The following KIF15 variants were observed in gnomAD, a reference collection of about 807,000 sequenced individuals.
The protein encoded by KIF15 is kinesin-like protein KIF15.
A neutral mutation model predicts 190.6 loss-of-function variants in KIF15; 140 were observed. The observed-to-expected ratio is 0.73, with a 90% CI of 0.64 to 0.84. The LOEUF is 0.84. Among genes scored for constraint, KIF15 ranks in the 40% least tolerant of loss-of-function variants. KIF15 has a pLI of 0.00. For synonymous variants in KIF15, 528 were observed against 551.3 expected, an observed-to-expected ratio of 0.96 and a Z score of 0.59; for missense variants, 1,372 against 1,584.4, an observed-to-expected ratio of 0.87 and a Z score of 2.28.
downstream of KIF15, among the ~76,000 whole-genome samples, chr3:44,854,550 G>A (rs1336025036): frequency 6.6e-6 from 1 of 152,204 alleles, no homozygotes. Context: ...AGCAGACACT[G>A]CAACTGCCTC....
chr3:44,865,130 C>T (rs748174992), intron 6 of KIF15: 4 of 1,614,148 alleles, frequency 2.5e-6, no homozygotes, highest in Non-Finnish European at 3.4e-6. Flanking sequence ...CACCCTAATC[C>T]ACAGGAAGCT....
At chr3:44,777,475 C>T (rs886111772) in intron 3 of KIF15, among the ~76,000 whole-genome samples, 3 of 151,956 alleles carry the variant, frequency 2.0e-5, no homozygotes, top group Admixed American at 6.6e-5. Context: ...GGGCGGATCA[C>T]GAGGTCAGGA....
At chr3:44,865,268 C>T in intron 6 of KIF15, 1 of 1,551,126 alleles carries the variant, frequency 6.4e-7, no homozygotes, top group Admixed American at 1.7e-5. Flanking sequence ...TAGGGCGATC[C>T]AGTTGTGCAG....
intron 8 of KIF15, among the ~76,000 whole-genome samples, chr3:44,795,751 A>C (rs866351864): frequency 6.6e-6 from 1 of 152,190 alleles, no homozygotes; most frequent in Non-Finnish European, 1.5e-5. Flanking sequence ...TAGAATATAC[A>C]TGGGCAAGGG....
At chr3:44,809,034 A>G (rs1384567742) in intron 16 of KIF15, among the ~76,000 whole-genome samples, 2 of 152,176 alleles carry the variant, frequency 1.3e-5, no homozygotes, top group South Asian at 2.1e-4. Context: ...ATGTCTTAGC[A>G]TTTGAGTGAG....
intron 11 of KIF15, 25 bp downstream of exon 11, chr3:44,800,462 TC>T: frequency 6.2e-7 from 1 of 1,609,208 alleles, no homozygotes; most frequent in East Asian, 2.2e-5. Flanking sequence ...CAGTCCTTTA[TC>T]TTGGGGAAGA....
At chr3:44,866,911 G>A (rs368071508) in intron 6 of KIF15, among the ~76,000 whole-genome samples, 7 of 152,122 alleles carry the variant, frequency 4.6e-5, no homozygotes, top group Non-Finnish European at 1.0e-4. Context: ...TCTTACCCTT[G>A]CCTTGGGTTC....
chr3:44,771,216 C>T (rs1022519757), intron 1 of KIF15, among the ~76,000 whole-genome samples: 1 of 152,062 alleles, frequency 6.6e-6, no homozygotes, highest in African/African-American at 2.4e-5. Flanking sequence ...TTTATAATAA[C>T]TTAACATAAC....
In KIF15 at chr3:44,766,880, G is replaced by A. The variant is rs1207598101; in HGVS notation, c.19+4996G>A. Among the ~76,000 whole-genome samples the A allele has an allele frequency of 6.4e-5, 8 of 124,558 alleles. No individual in the cohort carries two copies. The East Asian group carries it at 1.2e-3, about 19-fold the overall frequency. The allele number at this position is 124,558 out of a possible 152,430, so 81.7% of individuals were successfully genotyped here. A position where few individuals can be genotyped will look rare whatever the true frequency, so the allele number is the denominator to read the frequency against. Reference sequence around the variant, plus strand: ...GGCTGGAGTGCAGTGGCGTGATCTCGGCTCACTGCAAGCTCCGCCTCCTGG... The same window carrying A: ...GGCTGGAGTGCAGTGGCGTGATCTCAGCTCACTGCAAGCTCCGCCTCCTGG... On this transcript the variant is annotated intron_variant, in intron 1 of 34. Transcript: ENST00000326047.
Position 44,812,200 on chromosome 3 carries a change from C to G in KIF15, c.2188C>G (p.Gln730Glu). The G allele has an allele frequency of 6.2e-7, 1 of 1,613,408 alleles. No individual in the cohort carries two copies. Among genetic ancestry groups the G allele is most frequent in the Non-Finnish European group, 8.5e-7 (1 of 1,179,738 alleles). The change falls in exon 18 of 35, where the codon CAA becomes GAA. Residue 730 changes from glutamine (Q) to glutamate (E), a missense_variant. Coordinates refer to ENST00000326047, the MANE Select transcript of KIF15 (RefSeq NM_020242.3). ...RTVQEQMSAL[Q>E]AKLDEEEHKN... is the part of the protein sequence containing the mutation. ...GTTGCAGGAACAAATGAGTGCTCTTCAAGCCAAACTGGATGAAGAAGAGCA... is the reference window on the plus strand; with the variant it reads ...GTTGCAGGAACAAATGAGTGCTCTTGAAGCCAAACTGGATGAAGAAGAGCA...
At chr3:44,860,318 A>T (rs1575700314) in intron 6 of KIF15, among the ~76,000 whole-genome samples, 1 of 152,226 alleles carries the variant, frequency 6.6e-6, no homozygotes, top group East Asian at 1.9e-4. Flanking sequence ...TCTGAGCCTC[A>T]ATTTCCTCAT....
At chr3:44,861,201 G>T (rs1454289865) in intron 6 of KIF15, among the ~76,000 whole-genome samples, 1 of 151,568 alleles carries the variant, frequency 6.6e-6, no homozygotes, top group Non-Finnish European at 1.5e-5. Context: ...ATGTTGGTCA[G>T]GCTGGTCTCG....
chr3:44,860,636 T>C (rs909120690), intron 6 of KIF15, among the ~76,000 whole-genome samples: 1 of 152,158 alleles, frequency 6.6e-6, no homozygotes, highest in African/African-American at 2.4e-5. Context: ...CCTCCCAAAG[T>C]GCTGGGATTA....
At chr3:44,804,919 A>T in intron 14 of KIF15, 108 bp from the exon 15 acceptor site, 1 of 1,197,210 alleles carries the variant, frequency 8.4e-7, no homozygotes, top group Non-Finnish European at 1.2e-6. Context: ...GCTTTAGTAC[A>T]CTATGATCAT....
intron 4 of KIF15, 99 bp from the exon 5 acceptor site, chr3:44,780,786 C>A: frequency 1.4e-6 from 1 of 724,998 alleles, no homozygotes; most frequent in South Asian, 2.2e-5. Context: ...AGAAAATAAG[C>A]TAACTTTTTG....
chr3:44,861,757 G>A, intron 6 of KIF15: 1 of 709,754 alleles, frequency 1.4e-6, no homozygotes, highest in Non-Finnish European at 2.2e-6. Flanking sequence ...ACAGCCCAGG[G>A]TCTCTGCCAC....
downstream of KIF15, among the ~76,000 whole-genome samples, chr3:44,855,668 T>G (rs1559599711): frequency 1.3e-5 from 2 of 151,638 alleles, no homozygotes; most frequent in African/African-American, 4.9e-5. Context: ...GATTTTGGGG[T>G]GAGGGGTGAT....
rs1229543113 is a variant in KIF15, at chr3:44,843,123, A to C, written c.3586-2A>C. 1 of 1,605,788 alleles carries C rather than the reference A, an allele frequency of 6.2e-7. No individual in the cohort carries two copies. The highest frequency in any genetic ancestry group is 8.5e-7 in the Non-Finnish European group (1 of 1,174,776). The stretch of plus-strand genomic sequence containing the variant: ...TGAAAAGATACGATTTGATGTTATT[A>C]GGAGCAGTTGCGTGAAATGGAAAAC... On this transcript the variant is annotated splice_acceptor_variant, in intron 29 of 34. Transcript: ENST00000326047. LOFTEE classifies it high-confidence loss of function.
chr3:44,778,232 A>T (rs1468917319), intron 4 of KIF15, 41 bp downstream of exon 4: 16 of 1,440,662 alleles, frequency 1.1e-5, no homozygotes, highest in South Asian at 3.4e-5. Context: ...TACATGCTTG[A>T]ATTATTTTCC....
Sources: allele counts gnomAD v4.1 joint callset (sites outside exome capture counted in the v4.1 genomes callset), GRCh38; gene constraint gnomAD v4.1.1; transcripts MANE v1.5; gene names NCBI Gene and HGNC (gene_info 2026-07-23, HGNC 2026-07-21).